CILK1: variants seen among roughly 807,000 people sequenced by gnomAD.
CILK1 encodes ciliogenesis associated kinase 1, also known as serine/threonine-protein kinase ICK.
A neutral mutation model predicts 79.2 loss-of-function variants in CILK1; 47 were observed. That is an observed-to-expected ratio of 0.59 (90% CI 0.47 to 0.76). The LOEUF (loss-of-function observed/expected upper bound fraction) is 0.76. Ranked by LOEUF, CILK1 falls within the 30% of genes least tolerant of loss-of-function variation. The pLI is 0.00. For synonymous variants in CILK1, 266 were observed against 275.9 expected, an observed-to-expected ratio of 0.96 and a Z score of 0.36; for missense variants, 660 against 769.5, an observed-to-expected ratio of 0.86 and a Z score of 1.68.
chr6:53,018,405 G>A lies in CILK1; in HGVS notation c.588C>T (p.Leu196=). 1 of 1,614,184 alleles carries A rather than the reference G, an allele frequency of 6.2e-7. No homozygotes were observed. Among genetic ancestry groups the A allele is most frequent in the Non-Finnish European group, 8.5e-7 (1 of 1,180,020 alleles). ...CACTGGCTCCAGGGAAGAGTGGCCT[G>A]AGGGTGTAAACTTCTGCCATGATGC... ...VGCIMAEVYT[L]RPLFPGASEI... is the part of the protein sequence containing the mutation. Residue 196 remains leucine, a synonymous_variant, in exon 7 of 14, where the codon CTC becomes CTT. Coordinates refer to ENST00000676107, the MANE Select transcript of CILK1 (RefSeq NM_014920.5).
chr6:53,036,548 T>C (rs956654532), intron 3 of CILK1, among the ~76,000 whole-genome samples: 1 of 152,160 alleles, frequency 6.6e-6, no homozygotes, highest in Non-Finnish European at 1.5e-5. Context: ...CCTGAGTAGC[T>C]GGGATTACAA....
intron 1 of CILK1, among the ~76,000 whole-genome samples, chr6:53,052,274 T>C (rs141742750): frequency 7.9e-5 from 12 of 152,286 alleles, no homozygotes; most frequent in Admixed American, 3.9e-4. Flanking sequence ...GGTGTATATG[T>C]ACATTTTCTT....
At chr6:53,028,459 A>G (rs1765721147) in intron 5 of CILK1, among the ~76,000 whole-genome samples, 1 of 152,204 alleles carries the variant, frequency 6.6e-6, no homozygotes, top group Admixed American at 6.5e-5. Flanking sequence ...CTTTATTGCA[A>G]TGGGACCTTT....
intron 3 of CILK1, 23 bp downstream of exon 3, chr6:53,037,916 T>C (rs1345465146): frequency 3.8e-6 from 5 of 1,328,516 alleles, no homozygotes; most frequent in Non-Finnish European, 5.4e-6. Context: ...CCATAAATTA[T>C]TCCTTGGTAT....
At chr6:53,030,194 C>T (rs1286342613) in intron 5 of CILK1, among the ~76,000 whole-genome samples, 1 of 152,184 alleles carries the variant, frequency 6.6e-6, no homozygotes, top group Non-Finnish European at 1.5e-5. Flanking sequence ...CTAACCAGAC[C>T]ATCTGTAGAA....
chr6:53,054,910 A>G (rs1274170929), intron 1 of CILK1, among the ~76,000 whole-genome samples: 1 of 152,234 alleles, frequency 6.6e-6, no homozygotes, highest in Non-Finnish European at 1.5e-5. Flanking sequence ...GCTCATTCAC[A>G]GCCTAAAAAA....
chr6:53,031,329 T>C (rs1316373333), intron 4 of CILK1, among the ~76,000 whole-genome samples, 185 bp from the exon 5 acceptor site: 2 of 152,160 alleles, frequency 1.3e-5, no homozygotes, highest in Non-Finnish European at 2.9e-5. Context: ...TCCTCCAACA[T>C]AGCATATAAA....
intron 8 of CILK1, among the ~76,000 whole-genome samples, chr6:53,015,318 G>A (rs1227396275): frequency 6.6e-6 from 1 of 152,182 alleles, no homozygotes; most frequent in East Asian, 1.9e-4. Context: ...AGCCCCCAGC[G>A]TTACCATACC....
intron 5 of CILK1, among the ~76,000 whole-genome samples, chr6:53,027,415 G>C (rs1220470018): frequency 6.6e-6 from 1 of 152,186 alleles, no homozygotes; most frequent in Non-Finnish European, 1.5e-5. Context: ...AAGTAGAGCT[G>C]TGTTTTCATT....
chr6:53,009,988 C>G (rs1764471141), intron 11 of CILK1, among the ~76,000 whole-genome samples: 1 of 152,204 alleles, frequency 6.6e-6, no homozygotes, highest in East Asian at 1.9e-4. Flanking sequence ...TCTCACCCGA[C>G]CTGGACCATT....
At position 53,005,151 on chromosome 6, in the gene CILK1, A is replaced by G; in HGVS notation, c.1897T>C (p.Ter633ArgextTer20). The change falls in exon 14 of 14, where the codon TGA (stop) becomes CGA (arginine). Residue 633 changes from the stop codon to arginine (R), a stop_lost. Coordinates refer to ENST00000676107, the MANE Select transcript of CILK1 (RefSeq NM_014920.5). ...AGATTCATCACCAAGGCAGACAGTC[A>G]TCGCCGAGATGCGTACTTGGAAGCC... ...DWASKYASRR[*>R] is the part of the protein sequence containing the mutation. 1 of 1,614,174 alleles carries G rather than the reference A, an allele frequency of 6.2e-7. No homozygotes were observed. Among genetic ancestry groups the G allele is most frequent in the Non-Finnish European group, 8.5e-7 (1 of 1,180,044 alleles).
At chr6:53,015,671 A>G (rs182471410) in intron 8 of CILK1, among the ~76,000 whole-genome samples, 4 of 152,230 alleles carry the variant, frequency 2.6e-5, no homozygotes, top group South Asian at 4.1e-4. Context: ...TCATCTGTCA[A>G]TCTCTTCAGG....
In CILK1 at chr6:53,018,482, G is replaced by A. The variant is rs781113294; in HGVS notation, c.511C>T (p.Leu171Phe). The change falls in exon 7 of 14, where the codon CTC (leucine) becomes TTC (phenylalanine). Residue 171 changes from leucine to phenylalanine, a missense_variant. By Grantham distance (22) the Leu-to-Phe change is conservative (BLOSUM62 0). Coordinates refer to ENST00000676107, the MANE Select transcript of CILK1 (RefSeq NM_014920.5). ...GAGCTGTAGTTGGTAGACCTCAGGA[G>A]TACTTCTGGAGCCCTGTACCTGGAG... ...STRWYRAPEV[L>F]LRSTNYSSPI... 3.1e-6 allele frequency: 5 copies of A among 1,614,180 alleles called. No homozygotes were observed. In the South Asian group the frequency reaches 4.4e-5, roughly 14 times the overall value.
At chr6:53,025,982 C>A (rs1343554735) in intron 5 of CILK1, among the ~76,000 whole-genome samples, 1 of 152,158 alleles carries the variant, frequency 6.6e-6, no homozygotes, top group Non-Finnish European at 1.5e-5. Context: ...GGTAGGTGTG[C>A]AGACCAGCCA....
At chr6:53,036,737 C>T (rs1341713998) in intron 3 of CILK1, among the ~76,000 whole-genome samples, 5 of 152,104 alleles carry the variant, frequency 3.3e-5, no homozygotes, top group Admixed American at 6.6e-5. Context: ...AAAAAGAATA[C>T]TTTTATAAAT....
intron 5 of CILK1, among the ~76,000 whole-genome samples, chr6:53,022,867 G>A (rs1285726612): frequency 5.9e-5 from 9 of 151,942 alleles, no homozygotes; most frequent in African/African-American, 1.9e-4. Flanking sequence ...CATGACTCTT[G>A]CCCTCATGGA....
At chr6:53,008,876 G>A (rs1334094368) in intron 12 of CILK1, among the ~76,000 whole-genome samples, 1 of 152,232 alleles carries the variant, frequency 6.6e-6, no homozygotes, top group African/African-American at 2.4e-5. Flanking sequence ...GCACATGGCA[G>A]GGGCTGCCTG....
chr6:53,003,177 A>T lies in CILK1; in HGVS notation c.*1972T>A, dbSNP rs1214277100. 6.6e-6 allele frequency: 1 copy of T among 152,638 alleles called. No homozygotes were observed. The highest frequency in any genetic ancestry group is 1.5e-5 in the Non-Finnish European group (1 of 68,034). 9.5% of individuals were successfully genotyped at this position (152,638 alleles called of 1,614,324 possible). On this transcript the variant is annotated 3_prime_UTR_variant, in exon 14 of 14. Coordinates refer to ENST00000676107, the MANE Select transcript of CILK1 (RefSeq NM_014920.5). Reference sequence around the variant, plus strand: ...CTGAAGCTTTGCTGCCAGCTTGTTAACAGGAAAAGACCACCTATCACATCC... The same window carrying T: ...CTGAAGCTTTGCTGCCAGCTTGTTATCAGGAAAAGACCACCTATCACATCC...
In CILK1 at chr6:53,021,182, G is replaced by A. The variant is rs9382171; in HGVS notation, c.359-1823C>T. Among the ~76,000 whole-genome samples the A allele has an allele frequency of 1.4e-3, 218 of 152,198 alleles. 3 individuals are homozygous for A. The East Asian group carries it at 0.034, about 24-fold the overall frequency. On this transcript the variant is annotated intron_variant, in intron 5 of 13. Coordinates refer to ENST00000676107, the MANE Select transcript of CILK1 (RefSeq NM_014920.5). ...ACTAAAAATATTTTAAAAATTAGCCGGGCGTGGTGGCACATGCCTGTAATT... is the reference window on the plus strand; with the variant it reads ...ACTAAAAATATTTTAAAAATTAGCCAGGCGTGGTGGCACATGCCTGTAATT...
Sources: gnomAD v4.1 joint callset for allele counts (sites outside exome capture counted in the v4.1 genomes callset) on GRCh38, gnomAD v4.1.1 for gene constraint, MANE v1.5 for transcripts, NCBI Gene and HGNC (gene_info 2026-07-23, HGNC 2026-07-21) for gene names.